RGPD8: variants seen among roughly 807,000 people sequenced by gnomAD.
RGPD8 encodes RANBP2 like and GRIP domain containing 8.
RGPD8 carries 15 observed loss-of-function variants against 89.1 expected under a neutral mutation model. That is an observed-to-expected ratio of 0.17 (90% confidence interval 0.11 to 0.26). The LOEUF is 0.26. Among genes scored for constraint, RGPD8 ranks in the 10% least tolerant of loss-of-function variants. The pLI is 1.00. For missense variants in RGPD8, 178 were observed against 1,179.6 expected, an observed-to-expected ratio of 0.15 and a Z score of 12.44; for synonymous variants, 62 against 420.9, an observed-to-expected ratio of 0.15 and a Z score of 10.44.
At chr2:112,387,386 CTCACTCAG>C (rs1256450381) in intron 20 of RGPD8, among the ~76,000 whole-genome samples, 1 of 140,656 alleles carries the variant, frequency 7.1e-6, no homozygotes, top group African/African-American at 2.6e-5. Context: ...GAGACAAAGT[CTCACTCAG>C]TCACTCAGTC....
At chr2:112,427,652 CTCTT>C (rs980884617) in intron 1 of RGPD8, among the ~76,000 whole-genome samples, 2 of 151,772 alleles carry the variant, frequency 1.3e-5, no homozygotes, top group Non-Finnish European at 2.9e-5. Context: ...CTAAATTTCT[CTCTT>C]TTTTTTTTAA....
intron 6 of RGPD8, among the ~76,000 whole-genome samples, chr2:112,413,562 AC>A (rs1679268047): frequency 7.9e-6 from 1 of 126,712 alleles, no homozygotes; most frequent in African/African-American, 3.3e-5. Context: ...CAATAAAGCA[AC>A]CAGAGCAAGT....
chr2:112,381,852 ATT>A (rs1678312308), intron 20 of RGPD8, among the ~76,000 whole-genome samples: 1 of 152,222 alleles, frequency 6.6e-6, no homozygotes, highest in South Asian at 2.1e-4. Context: ...TTTAAAAAAG[ATT>A]TGTTTAATAA....
At position 112,389,759 on chromosome 2, in the gene RGPD8, CT is replaced by C; in HGVS notation, c.3185del (p.Gln1062ArgfsTer3). ...GEEGEKVLYS[Q>X]GVKLFRFDAE... Reference sequence around the variant, plus strand: ...CATCAAATCTAAATAGTTTTACCCCCTGTGAATACAGAACTTTTTCACCTTC... The same window carrying C: ...CATCAAATCTAAATAGTTTTACCCCCGTGAATACAGAACTTTTTCACCTTC... On this transcript the variant is annotated frameshift_variant, in exon 20 of 23. Coordinates refer to ENST00000302558, the MANE Select transcript of RGPD8 (RefSeq NM_001164463.1). LOFTEE classifies it high-confidence loss of function. 2 of 1,496,846 alleles carry C rather than the reference CT, an allele frequency of 1.3e-6. No individual in the cohort carries two copies. Among genetic ancestry groups the C allele is most frequent in the Non-Finnish European group, 1.8e-6 (2 of 1,113,854 alleles). 92.7% of individuals were successfully genotyped at this position (1,496,846 alleles called of 1,614,324 possible).
At position 112,373,015 on chromosome 2, in the gene RGPD8, G is replaced by T. The variant is rs1039015417; in HGVS notation, c.5264-2803C>A. 6.2e-5 allele frequency among the ~76,000 whole-genome samples: 9 copies of T among 144,708 alleles called. 2 individuals carry two copies. Among genetic ancestry groups the T allele is most frequent in the South Asian group, 2.1e-4 (1 of 4,722 alleles). The allele number at this position is 144,708 out of a possible 152,430, so 94.9% of individuals were successfully genotyped here. ...ATCTGTAAACTGTAACCCAGTCTGGGAGCAAAGAAGATATAGAAAAATGAC... is the reference window on the plus strand; with the variant it reads ...ATCTGTAAACTGTAACCCAGTCTGGTAGCAAAGAAGATATAGAAAAATGAC... On this transcript the variant is annotated intron_variant, in intron 22 of 22. Coordinates refer to ENST00000302558, the MANE Select transcript of RGPD8 (RefSeq NM_001164463.1).
intron 1 of RGPD8, among the ~76,000 whole-genome samples, chr2:112,431,676 G>A (rs1200471886): frequency 6.9e-6 from 1 of 144,992 alleles, no homozygotes; most frequent in East Asian, 2.0e-4. Flanking sequence ...TCCCTCTGTC[G>A]CCCAGGCTGG....
intron 1 of RGPD8, among the ~76,000 whole-genome samples, chr2:112,431,169 G>C (rs1316434226): frequency 6.6e-6 from 1 of 152,138 alleles, no homozygotes; most frequent in Non-Finnish European, 1.5e-5. Context: ...GAGGTGGGAG[G>C]ATCGCTTGAG....
chr2:112,431,016 T>C (rs985722136), intron 1 of RGPD8, among the ~76,000 whole-genome samples: 1 of 151,818 alleles, frequency 6.6e-6, no homozygotes, highest in Non-Finnish European at 1.5e-5. Context: ...CTTTGGGAAG[T>C]GGAGGCGGGG....
chr2:112,374,941 C>T (rs1678080405), intron 22 of RGPD8, among the ~76,000 whole-genome samples: 1 of 136,978 alleles, frequency 7.3e-6, no homozygotes, highest in Non-Finnish European at 1.6e-5. Context: ...CGGCTCACTG[C>T]AACCTCTGCC....
Position 112,389,252 on chromosome 2 carries a change from T to G in RGPD8, c.3693A>C (p.Ser1231=). The change falls in exon 20 of 23, where the codon TCA becomes TCC. Residue 1231 remains serine, a synonymous_variant. Transcript: ENST00000302558. ...KGSGTGVAGA[S]DTTIKPNAEN... is the part of the protein sequence containing the mutation. ...CAGCATTGGGTTTTATTGTTGTGTC[T>G]GAGGCACCGGCCACACCTGTACCTG... 6.4e-7 allele frequency: 1 copy of G among 1,571,214 alleles called. No homozygotes were observed. The highest frequency in any genetic ancestry group is 8.7e-7 in the Non-Finnish European group (1 of 1,150,170).
intron 22 of RGPD8, among the ~76,000 whole-genome samples, chr2:112,373,328 C>T (rs1294930796): frequency 2.0e-5 from 3 of 152,360 alleles, no homozygotes; most frequent in Non-Finnish European, 2.9e-5. Context: ...AGTTGTAACA[C>T]GCTACTCTGA....
chr2:112,410,400 C>A (rs1182628515), intron 7 of RGPD8, among the ~76,000 whole-genome samples: 2 of 148,196 alleles, frequency 1.3e-5, no homozygotes, highest in South Asian at 2.1e-4. Context: ...TTAATTTTCA[C>A]TAATCCATTC....
intron 20 of RGPD8, among the ~76,000 whole-genome samples, chr2:112,382,474 GCTGCT>G (rs1265300780): frequency 6.6e-6 from 1 of 151,104 alleles, no homozygotes; most frequent in African/African-American, 2.4e-5. Flanking sequence ...GAATTAAGCA[GCTGCT>G]CTAAAGACTG....
chr2:112,376,269 T>TG (rs1678111576), intron 22 of RGPD8, among the ~76,000 whole-genome samples: 1 of 90,864 alleles, frequency 1.1e-5, no homozygotes, highest in African/African-American at 3.9e-5. Flanking sequence ...CAGTCAAAAG[T>TG]AAGTTGTCTG....
At chr2:112,424,450 C>T (rs1307098984) in intron 1 of RGPD8, 143 bp from the exon 2 acceptor site, 45 of 1,038,998 alleles carry the variant, frequency 4.3e-5, no homozygotes, top group African/African-American at 8.1e-5. Flanking sequence ...CTGGGTGCAG[C>T]GGCTCATGCC....
At chr2:112,424,002 T>G (rs1023226199) in intron 2 of RGPD8, among the ~76,000 whole-genome samples, 1 of 152,240 alleles carries the variant, frequency 6.6e-6, no homozygotes, top group African/African-American at 2.4e-5. Context: ...AAAAGTGTTT[T>G]AAGCCAAACA....
chr2:112,426,027 T>G (rs1289246015), intron 1 of RGPD8, among the ~76,000 whole-genome samples: 6 of 151,936 alleles, frequency 3.9e-5, no homozygotes, highest in Non-Finnish European at 8.8e-5. Context: ...ACAACAAAAC[T>G]AGCACAAATT....
At chr2:112,432,741 G>T in intron 1 of RGPD8, 5 of 985,292 alleles carry the variant, frequency 5.1e-6, no homozygotes, top group Non-Finnish European at 6.0e-6. Context: ...GGGCCAGGGC[G>T]AGCCCACGAG....
At chr2:112,432,957 C>A (rs1469740046) in intron 1 of RGPD8, among the ~76,000 whole-genome samples, 1 of 107,628 alleles carries the variant, frequency 9.3e-6, no homozygotes, top group Non-Finnish European at 2.2e-5. Flanking sequence ...AGGCCGCCGC[C>A]GGGCCGGGTC....
Sources: gnomAD v4.1 joint callset for allele counts (sites outside exome capture counted in the v4.1 genomes callset) on GRCh38, gnomAD v4.1.1 for gene constraint, MANE v1.5 for transcripts, NCBI Gene and HGNC (gene_info 2026-07-23, HGNC 2026-07-21) for gene names.